Variants in SLC17A3 observed in about 807,000 individuals in gnomAD.
The protein encoded by SLC17A3 is sodium-dependent phosphate transport protein 4.
SLC17A3 carries 61 observed loss-of-function variants against 60.3 expected under a neutral mutation model. That is an observed-to-expected ratio of 1.01 (90% CI 0.82 to 1.25). The LOEUF is 1.25. Among genes scored for constraint, SLC17A3 ranks in the 50% most tolerant of loss-of-function variants. SLC17A3 has a pLI of 0.00. For synonymous variants in SLC17A3, 192 were observed against 208.9 expected (o/e 0.92, Z 0.70); for missense variants, 624 against 594.9 (o/e 1.05, Z -0.51).
chr6:25,856,531 C>A (rs1276851609), intron 5 of SLC17A3, among the ~76,000 whole-genome samples: 1 of 152,194 alleles, frequency 6.6e-6, no homozygotes, highest in Non-Finnish European at 1.5e-5. Context: ...AGCCACCATG[C>A]CCAGCCCCTC....
Position 25,868,514 on chromosome 6 carries a change from G to A in SLC17A3, c.-33-94C>T, listed in dbSNP as rs904317483. 39 of 814,888 alleles carry A rather than the reference G, an allele frequency of 4.8e-5. 1 individual carries two copies. Among genetic ancestry groups the A allele is most frequent in the East Asian group, 1.3e-4 (5 of 37,460 alleles). 50.5% of individuals were successfully genotyped at this position (814,888 alleles called of 1,614,324 possible). ...CAAGGGCACCAAGGAAAAAAAAGCT[G>A]GCCCATTCCATCTGGTTGGAGACAG... On this transcript the variant is annotated intron_variant, in intron 1 of 12. Coordinates refer to ENST00000397060, the MANE Select transcript of SLC17A3 (RefSeq NM_001098486.2).
At chr6:25,868,571 A>G (rs1346384866) in intron 1 of SLC17A3, 151 bp from the exon 2 acceptor site, 2 of 613,390 alleles carry the variant, frequency 3.3e-6, no homozygotes, top group East Asian at 5.7e-5. Flanking sequence ...GGCTCAACAC[A>G]ACAAGCATAC....
rs747711332 is a variant in SLC17A3, at chr6:25,861,658, T to C, written c.591A>G (p.Gln197=). The C allele has an allele frequency of 6.2e-7, 1 of 1,614,090 alleles. No individual in the cohort carries two copies. Among genetic ancestry groups the C allele is most frequent in the Admixed American group, 1.7e-5 (1 of 60,028 alleles). Reference sequence around the variant, plus strand: ...CAATGCTGCAGAGTCTGCTTCGTTCTTGTGGAGGGCCCCACTTTTCCCAAA... The same window carrying C: ...CAATGCTGCAGAGTCTGCTTCGTTCCTGTGGAGGGCCCCACTTTTCCCAAA... ...FAIWEKWGPP[Q]ERSRLCSIAL... Residue 197 remains glutamine (Q), a synonymous_variant, in exon 5 of 13, where the codon CAA becomes CAG. Transcript: ENST00000397060.
chr6:25,867,806 T>A (rs1176903726), intron 2 of SLC17A3, among the ~76,000 whole-genome samples: 1 of 151,920 alleles, frequency 6.6e-6, no homozygotes, highest in Non-Finnish European at 1.5e-5. Flanking sequence ...TGGAAAACTA[T>A]ATGCTGTCAA....
At chr6:25,857,730 C>T (rs1457326342) in intron 5 of SLC17A3, among the ~76,000 whole-genome samples, 1 of 152,148 alleles carries the variant, frequency 6.6e-6, no homozygotes, top group East Asian at 1.9e-4. Context: ...TGACCCCAGG[C>T]CACAGATACA....
At chr6:25,849,587 C>T (rs1765236234) in intron 10 of SLC17A3, 123 bp from the exon 11 acceptor site, 1 of 731,484 alleles carries the variant, frequency 1.4e-6, no homozygotes, top group Non-Finnish European at 2.4e-6. Flanking sequence ...TATAATTAGA[C>T]AATTATATCA....
rs775301053 is a variant in SLC17A3, at chr6:25,868,332, T to A, written c.56A>T (p.Asp19Val). Residue 19 changes from aspartate (D) to valine (V), a missense_variant, in exon 2 of 13, where the codon GAT (aspartate) becomes GTT (valine). Transcript: ENST00000397060. ...PTARESKNAQ[D>V]MQVDETLIPR... Reference sequence around the variant, plus strand: ...GATCAGTGTCTCATCCACTTGCATATCTTGTGCGTTCTTGCTCTCCCTTGC... The same window carrying A: ...GATCAGTGTCTCATCCACTTGCATAACTTGTGCGTTCTTGCTCTCCCTTGC... 11 of 1,612,142 alleles carry A rather than the reference T, an allele frequency of 6.8e-6. No homozygotes were observed. Among genetic ancestry groups the A allele is most frequent in the Non-Finnish European group, 8.5e-6 (10 of 1,178,756 alleles).
At position 25,862,456 on chromosome 6, in the gene SLC17A3, A is replaced by C. The variant is rs776392198; in HGVS notation, c.92-12T>G. 2 of 1,594,192 alleles carry C rather than the reference A, an allele frequency of 1.3e-6. No individual in the cohort carries two copies. The highest frequency in any genetic ancestry group is 4.5e-5 in the East Asian group (2 of 44,816). ...ACATAAACTTGGAACTGGAAATATT[A>C]TGACATCATATTAGTGTTTTTTAAA... On this transcript the variant is annotated splice_polypyrimidine_tract_variant and intron_variant, in intron 2 of 12. Coordinates refer to ENST00000397060, the MANE Select transcript of SLC17A3 (RefSeq NM_001098486.2).
rs1367989338 is a variant in SLC17A3, at chr6:25,850,445, G to A, written c.993+14C>T. 6.2e-7 allele frequency: 1 copy of A among 1,612,856 alleles called. No homozygotes were observed. Among genetic ancestry groups the A allele is most frequent in the Non-Finnish European group, 8.5e-7 (1 of 1,179,080 alleles). On this transcript the variant is annotated intron_variant, in intron 8 of 12. Coordinates refer to ENST00000397060, the MANE Select transcript of SLC17A3 (RefSeq NM_001098486.2). ...ATGCAAGCAGGAGAAAGGAAGGGAA[G>A]GAAACATACTCACGTCTCTGATGTT...
At chr6:25,870,717 C>T (rs1765627243) in intron 1 of SLC17A3, among the ~76,000 whole-genome samples, 1 of 152,000 alleles carries the variant, frequency 6.6e-6, no homozygotes, top group Admixed American at 6.6e-5. Context: ...CTAGAGGCCC[C>T]TACAACATGG....
At chr6:25,846,689 C>T (rs1239720049) in intron 11 of SLC17A3, among the ~76,000 whole-genome samples, 1 of 152,138 alleles carries the variant, frequency 6.6e-6, no homozygotes, top group Admixed American at 6.5e-5. Flanking sequence ...CGGCTCACTG[C>T]AGCCTCCGCC....
intron 2 of SLC17A3, among the ~76,000 whole-genome samples, chr6:25,863,259 G>T (rs1165163): frequency 6.6e-6 from 1 of 151,868 alleles, no homozygotes; most frequent in Admixed American, 6.6e-5. Flanking sequence ...GAAAGAATCA[G>T]ATGAGATTGA....
intron 11 of SLC17A3, 38 bp downstream of exon 11, chr6:25,849,336 G>A: frequency 8.9e-7 from 1 of 1,122,922 alleles, no homozygotes; most frequent in Non-Finnish European, 1.4e-6. Flanking sequence ...GGATTTAGCA[G>A]AGCATCTTTG....
intron 1 of SLC17A3, among the ~76,000 whole-genome samples, chr6:25,872,296 G>C (rs1366893317): frequency 6.9e-6 from 1 of 145,392 alleles, no homozygotes; most frequent in Non-Finnish European, 1.5e-5. Context: ...CATGATGGTA[G>C]CTTGGAATTG....
rs2151527645 is a variant in SLC17A3 at position 25,868,281 on chromosome 6, T to C, written c.91+16A>G. The C allele has an allele frequency of 1.9e-6, 3 of 1,595,884 alleles. No individual in the cohort carries two copies. Among genetic ancestry groups the C allele is most frequent in the Non-Finnish European group, 2.6e-6 (3 of 1,164,146 alleles). Reference sequence around the variant, plus strand: ...ACTGTAAAATCCTAAAACCAAGCAGTTGAGGTCAAATTTACCTTTCCTGGG... The same window carrying C: ...ACTGTAAAATCCTAAAACCAAGCAGCTGAGGTCAAATTTACCTTTCCTGGG... On this transcript the variant is annotated intron_variant, in intron 2 of 12. Transcript: ENST00000397060.
chr6:25,854,509 C>G (rs1765328705), intron 6 of SLC17A3, among the ~76,000 whole-genome samples: 1 of 152,172 alleles, frequency 6.6e-6, no homozygotes, highest in Non-Finnish European at 1.5e-5. Flanking sequence ...GACTCTATCT[C>G]TGCCCTCAAA....
chr6:25,868,384 C>G lies in SLC17A3; in HGVS notation c.4G>C (p.Ala2Pro), dbSNP rs756891161. 1 of 1,611,552 alleles carries G rather than the reference C, an allele frequency of 6.2e-7. No individual in the cohort carries two copies. The highest frequency in any genetic ancestry group is 1.1e-5 in the South Asian group (1 of 91,000). Reference sequence around the variant, plus strand: ...GTGGGACTCAACTCTGTCTTGGTGGCCATTGTGTTTCTCCTCTCCTAGTGA... The same window carrying G: ...GTGGGACTCAACTCTGTCTTGGTGGGCATTGTGTTTCTCCTCTCCTAGTGA... M[A>P]TKTELSPTAR... Residue 2 changes from alanine (A) to proline (P), a missense_variant, in exon 2 of 13, where the codon GCC (alanine) becomes CCC (proline). By Grantham distance (27) the Ala-to-Pro change is conservative. Transcript: ENST00000397060.
At chr6:25,872,585 T>C (rs977824310) in intron 1 of SLC17A3, among the ~76,000 whole-genome samples, 1 of 147,254 alleles carries the variant, frequency 6.8e-6, no homozygotes, top group Non-Finnish European at 1.5e-5. Context: ...ATTTTATACA[T>C]ATATATATAT....
intron 2 of SLC17A3, 115 bp downstream of exon 2, chr6:25,868,182 G>T: frequency 2.5e-6 from 2 of 792,010 alleles, no homozygotes; most frequent in Non-Finnish European, 4.3e-6. Context: ...AATTTCACTG[G>T]ATTTGTAAAA....
Sources: gnomAD v4.1 joint callset for allele counts (sites outside exome capture counted in the v4.1 genomes callset) on GRCh38, gnomAD v4.1.1 for gene constraint, MANE v1.5 for transcripts, NCBI Gene and HGNC (gene_info 2026-07-23, HGNC 2026-07-21) for gene names.